TSHZ1: variants seen among roughly 807,000 people sequenced by gnomAD.
The protein encoded by TSHZ1 is teashirt homolog 1.
Under a neutral mutation model 67.1 loss-of-function variants are expected in TSHZ1, and 12 were observed. That is an observed-to-expected ratio of 0.18 (90% confidence interval 0.11 to 0.29). The LOEUF is 0.29. Ranked by LOEUF, TSHZ1 falls within the 10% of genes least tolerant of loss-of-function variation. The pLI, the probability that TSHZ1 is intolerant of heterozygous loss-of-function variation, is 1.00. For synonymous variants in TSHZ1, 632 were observed against 622.4 expected (o/e 1.02, Z -0.23); for missense variants, 1,305 against 1,413.9 (o/e 0.92, Z 1.23).
In TSHZ1 at chr18:75,288,562, TCAAACTGC is replaced by T. The variant is rs746692180; in HGVS notation, c.3156_3163del (p.Lys1053ProfsTer2). 1 of 1,614,154 alleles carries T rather than the reference TCAAACTGC, an allele frequency of 6.2e-7. No homozygotes were observed. The highest frequency in any genetic ancestry group is 1.3e-5 in the African/African-American group (1 of 75,044). ...CGGACTTTTGCGAGCAAGCACGCAG[TCAAACTGC>T]ACCTTAGTAAGACCCACGGCAAGTC... On this transcript the variant is annotated frameshift_variant, in exon 2 of 2. Transcript: ENST00000580243. LOFTEE classifies it high-confidence loss of function. The surrounding 1 kb of genome is among the most constrained non-coding windows in gnomAD (Gnocchi z 4.9).
In TSHZ1 at chr18:75,281,476, C is replaced by T. The variant is rs1259966755; in HGVS notation, c.41-3972C>T. Among the ~76,000 whole-genome samples the T allele has an allele frequency of 6.6e-6, 1 of 152,124 alleles. No homozygotes were observed. Among genetic ancestry groups the T allele is most frequent in the Non-Finnish European group, 1.5e-5 (1 of 68,018 alleles). ...AGATCTGTGGCAGAACAGTGGGGCTCCTTCCACGGGCCCTACATGGGGCCA... is the reference window on the plus strand; with the variant it reads ...AGATCTGTGGCAGAACAGTGGGGCTTCTTCCACGGGCCCTACATGGGGCCA... On this transcript the variant is annotated intron_variant, in intron 1 of 1. Transcript: ENST00000580243. This position sits in a 1 kb window ranked among gnomAD's most constrained non-coding sequence, Gnocchi z 5.3.
chr18:75,286,982 G>A lies in TSHZ1; in HGVS notation c.1575G>A (p.Glu525=), dbSNP rs200926983. Residue 525 remains glutamate (E), a synonymous_variant, in exon 2 of 2, where the codon GAG becomes GAA. Transcript: ENST00000580243. The surrounding 1 kb of genome is among the most constrained non-coding windows in gnomAD (Gnocchi z 5.1). ...KIKEESEDSL[E]KFEPSTLYPY... is the part of the protein sequence containing the mutation. Reference sequence around the variant, plus strand: ...AGGAGGAGAGTGAGGACAGCTTGGAGAAATTTGAGCCCAGCACCCTGTACC... The same window carrying A: ...AGGAGGAGAGTGAGGACAGCTTGGAAAAATTTGAGCCCAGCACCCTGTACC... 1 of 1,614,076 alleles carries A rather than the reference G, an allele frequency of 6.2e-7. No homozygotes were observed. Among genetic ancestry groups the A allele is most frequent in the East Asian group, 2.2e-5 (1 of 44,878 alleles).
chr18:75,269,217 G>C (rs1392111096), intron 1 of TSHZ1, among the ~76,000 whole-genome samples: 1 of 152,210 alleles, frequency 6.6e-6, no homozygotes, highest in African/African-American at 2.4e-5. Flanking sequence ...CAGCCTCAGT[G>C]CATTTATCTG....
At chr18:75,238,710 A>G (rs923378063) in intron 1 of TSHZ1, among the ~76,000 whole-genome samples, 5 of 152,302 alleles carry the variant, frequency 3.3e-5, no homozygotes, top group Middle Eastern at 3.4e-3. Context: ...TGAATGCAAA[A>G]TCATGAATGC....
intron 1 of TSHZ1, among the ~76,000 whole-genome samples, chr18:75,246,403 G>GGGGTGTGTGTGTGTGTGT (rs1555727131): frequency 1.8e-5 from 2 of 108,372 alleles, no homozygotes; most frequent in African/African-American, 3.5e-5. Context: ...TTTGGTTTCT[G>GGGGTGTGTGTGTGTGTGT]GTGTGTGTGT....
intron 1 of TSHZ1, among the ~76,000 whole-genome samples, chr18:75,250,060 GT>G (rs1389735620): frequency 6.7e-6 from 1 of 150,128 alleles, no homozygotes; most frequent in Non-Finnish European, 1.5e-5. Context: ...TAGGTGGGGG[GT>G]GGGGGTGACT....
At chr18:75,231,686 C>G (rs2122535381) in intron 1 of TSHZ1, among the ~76,000 whole-genome samples, 1 of 151,866 alleles carries the variant, frequency 6.6e-6, no homozygotes, top group South Asian at 2.1e-4. Context: ...AGGCACCCAC[C>G]ACCACACCCG....
At position 75,221,612 on chromosome 18, in the gene TSHZ1, C is replaced by T. The variant is rs540769355; in HGVS notation, c.40+9696C>T. Among the ~76,000 whole-genome samples, 9 of 152,132 alleles carry T rather than the reference C, an allele frequency of 5.9e-5. No homozygotes were observed. In the South Asian group the frequency reaches 1.9e-3, roughly 32 times the overall value. The stretch of plus-strand genomic sequence containing the variant: ...CTTTAAAATATATGGATTTAAAGCA[C>T]AAGTATTGTGACTAATATTTATTTC... On this transcript the variant is annotated intron_variant, in intron 1 of 1. Transcript: ENST00000580243.
At chr18:75,265,487 T>C (rs1296296964) in intron 1 of TSHZ1, among the ~76,000 whole-genome samples, 1 of 152,196 alleles carries the variant, frequency 6.6e-6, no homozygotes, top group East Asian at 1.9e-4. Flanking sequence ...TACATGACCT[T>C]AGGGTTTTCA....
intron 1 of TSHZ1, among the ~76,000 whole-genome samples, chr18:75,269,194 T>C (rs542444235): frequency 1.3e-5 from 2 of 152,330 alleles, no homozygotes; most frequent in African/African-American, 2.4e-5. Flanking sequence ...ATCACATGTA[T>C]GGAAAAAAGC....
intron 1 of TSHZ1, among the ~76,000 whole-genome samples, chr18:75,236,767 T>G (rs2023076985): frequency 6.6e-6 from 1 of 152,164 alleles, no homozygotes; most frequent in Admixed American, 6.5e-5. Flanking sequence ...CATTATATAA[T>G]TTCAGTTTTA....
chr18:75,270,303 G>T (rs1325667469), intron 1 of TSHZ1, among the ~76,000 whole-genome samples: 3 of 152,330 alleles, frequency 2.0e-5, no homozygotes, highest in South Asian at 2.1e-4. Flanking sequence ...TGTAGTGTCA[G>T]TGAGGAGCTA....
chr18:75,220,815 G>A (rs950993402), intron 1 of TSHZ1, among the ~76,000 whole-genome samples: 2 of 152,056 alleles, frequency 1.3e-5, no homozygotes, highest in African/African-American at 4.8e-5. Context: ...TTCTTTCTAT[G>A]TCCATTGTGT....
chr18:75,245,745 T>C (rs923234810), intron 1 of TSHZ1, among the ~76,000 whole-genome samples: 1 of 152,170 alleles, frequency 6.6e-6, no homozygotes, highest in Non-Finnish European at 1.5e-5. Flanking sequence ...GGTCCTGGAG[T>C]GTTCTTCTAT....
chr18:75,273,571 CAT>C (rs1270443305), intron 1 of TSHZ1, among the ~76,000 whole-genome samples: 1 of 152,188 alleles, frequency 6.6e-6, no homozygotes, highest in African/African-American at 2.4e-5. Context: ...GTTTGTGCCT[CAT>C]ATAATTACAA....
intron 1 of TSHZ1, among the ~76,000 whole-genome samples, chr18:75,234,087 C>T (rs145380015): frequency 1.5e-4 from 23 of 152,246 alleles, no homozygotes; most frequent in African/African-American, 5.3e-4. Context: ...ATGGGCTCCC[C>T]TCTACACACA....
At chr18:75,247,593 G>A (rs547650269) in intron 1 of TSHZ1, among the ~76,000 whole-genome samples, 3 of 152,156 alleles carry the variant, frequency 2.0e-5, no homozygotes, top group African/African-American at 7.2e-5. Flanking sequence ...ATGAGAACTG[G>A]TGCCTACATT....
Position 75,281,432 on chromosome 18 carries a change from G to C in TSHZ1, c.41-4016G>C, listed in dbSNP as rs968148456. On this transcript the variant is annotated intron_variant, in intron 1 of 1. Coordinates refer to ENST00000580243, the MANE Select transcript of TSHZ1 (RefSeq NM_001308210.2). The surrounding 1 kb of genome is among the most constrained non-coding windows in gnomAD (Gnocchi z 5.3). Reference sequence around the variant, plus strand: ...TTTGCACACAACGTAGGTGTGATGTGGAGCACCCGTGTCACATTAGATCTG... The same window carrying C: ...TTTGCACACAACGTAGGTGTGATGTCGAGCACCCGTGTCACATTAGATCTG... 6.6e-6 allele frequency among the ~76,000 whole-genome samples: 1 copy of C among 152,168 alleles called. No homozygotes were observed. Among genetic ancestry groups the C allele is most frequent in the Non-Finnish European group, 1.5e-5 (1 of 68,028 alleles).
Position 75,286,169 on chromosome 18 carries a change from G to A in TSHZ1, c.762G>A (p.Ala254=), listed in dbSNP as rs79904500. ...TCCGGTGCAAAGACTGCAGTGCCGC[G>A]TACGACACGCTGGTGGAACTGACGG... ...SKFRCKDCSA[A]YDTLVELTVH... Residue 254 remains alanine (A), a synonymous_variant, in exon 2 of 2, where the codon GCG becomes GCA. Coordinates refer to ENST00000580243, the MANE Select transcript of TSHZ1 (RefSeq NM_001308210.2). The surrounding 1 kb of genome is among the most constrained non-coding windows in gnomAD (Gnocchi z 5.1). The A allele has an allele frequency of 2.0e-3, 3,182 of 1,614,074 alleles. 46 individuals are homozygous for A. The African/African-American group carries it at 0.036, about 18-fold the overall frequency.
Sources: allele counts gnomAD v4.1 joint callset (sites outside exome capture counted in the v4.1 genomes callset), GRCh38; gene constraint gnomAD v4.1.1; non-coding constraint Gnocchi (gnomAD v3.1); transcripts MANE v1.5; gene names NCBI Gene and HGNC (gene_info 2026-07-23, HGNC 2026-07-21).